The following ANKS1A variants were observed in gnomAD, a reference collection of about 807,000 sequenced individuals.
ANKS1A encodes the protein ankyrin repeat and sterile alpha motif domain containing 1A.
Under a neutral mutation model 120.3 loss-of-function variants are expected in ANKS1A, and 55 were observed. The observed-to-expected ratio is 0.46, with a 90% CI of 0.37 to 0.57. The LOEUF is 0.57. ANKS1A is among the 20% of genes least tolerant of loss of function. ANKS1A has a pLI of 0.00. For missense variants in ANKS1A, 1,123 were observed against 1,480.3 expected (o/e 0.76, Z 3.96); for synonymous variants, 590 against 604.7 (o/e 0.98, Z 0.36).
chr6:34,940,048 G>T (rs1222332247), intron 1 of ANKS1A, among the ~76,000 whole-genome samples: 1 of 152,144 alleles, frequency 6.6e-6, no homozygotes, highest in Non-Finnish European at 1.5e-5. Context: ...TCCAGAGTTG[G>T]TTTCTCAGAG....
At chr6:35,005,128 AAAG>A (rs1418103010) in intron 10 of ANKS1A, among the ~76,000 whole-genome samples, 3 of 152,210 alleles carry the variant, frequency 2.0e-5, no homozygotes, top group Non-Finnish European at 4.4e-5. Context: ...TGTCTGTAAA[AAAG>A]ATTGATAGAA....
At chr6:35,009,097 C>T (rs1042776549) in intron 10 of ANKS1A, among the ~76,000 whole-genome samples, 3 of 151,996 alleles carry the variant, frequency 2.0e-5, no homozygotes, top group Non-Finnish European at 2.9e-5. Flanking sequence ...TTTTTGAATC[C>T]GGCGACAGGA....
At chr6:34,981,033 G>A (rs1220259515) in intron 3 of ANKS1A, among the ~76,000 whole-genome samples, 5 of 152,114 alleles carry the variant, frequency 3.3e-5, no homozygotes, top group African/African-American at 1.2e-4. Context: ...TACTGCATGC[G>A]TTGCTTGGTG....
At position 35,050,594 on chromosome 6, in the gene ANKS1A, T is replaced by C. The variant is rs1179131510; in HGVS notation, c.2011-3505T>C. On this transcript the variant is annotated intron_variant, in intron 11 of 23. Coordinates refer to ENST00000360359, the MANE Select transcript of ANKS1A (RefSeq NM_015245.3). The surrounding 1 kb of genome is among the most constrained non-coding windows in gnomAD (Gnocchi z 4.3). The stretch of plus-strand genomic sequence containing the variant: ...TATCTGCTGTGTCTGAACGCTCTTC[T>C]TTGTGTAGATTGAAATGATCTTATT... Among the ~76,000 whole-genome samples the C allele has an allele frequency of 1.3e-5, 2 of 152,194 alleles. No individual in the cohort carries two copies. Among genetic ancestry groups the C allele is most frequent in the Admixed American group, 6.5e-5 (1 of 15,286 alleles).
chr6:34,978,910 T>G (rs938910328), intron 3 of ANKS1A, among the ~76,000 whole-genome samples: 9 of 152,028 alleles, frequency 5.9e-5, no homozygotes, highest in South Asian at 4.1e-4. Flanking sequence ...TTGTTTGTTT[T>G]TTTGAGATGG....
intron 12 of ANKS1A, 125 bp downstream of exon 12, chr6:35,054,290 C>T: frequency 1.2e-6 from 1 of 813,098 alleles, no homozygotes; most frequent in Non-Finnish European, 2.1e-6. Context: ...CAGACCACGT[C>T]ATGCTCCTAT....
chr6:34,978,596 G>A (rs1189477623), intron 3 of ANKS1A, among the ~76,000 whole-genome samples: 4 of 151,874 alleles, frequency 2.6e-5, no homozygotes, highest in African/African-American at 7.3e-5. Flanking sequence ...ACCTGAGGTC[G>A]GGAATTCAAG....
the ANKS1A span, among the ~76,000 whole-genome samples, chr6:35,097,763 A>AAATTAG: frequency 7.4e-3 from 1,131 of 152,240 alleles, 3 homozygotes; most frequent in South Asian, 0.018. Flanking sequence ...ATTCAAGGCC[A>AAATTAG]CTTGGAGACT....
At chr6:35,042,187 A>T (rs1203254351) in intron 11 of ANKS1A, among the ~76,000 whole-genome samples, 1 of 152,234 alleles carries the variant, frequency 6.6e-6, no homozygotes, top group Admixed American at 6.5e-5. Flanking sequence ...AGAGGAAAGA[A>T]CACAGTTCCT....
chr6:35,097,340 C>A, the ANKS1A span, among the ~76,000 whole-genome samples: 1 of 152,008 alleles, frequency 6.6e-6, no homozygotes, highest in Non-Finnish European at 1.5e-5. Context: ...GAAACCCTAT[C>A]TCTACTAAAA....
chr6:34,968,594 C>T (rs1348698728), intron 2 of ANKS1A, among the ~76,000 whole-genome samples: 12 of 152,128 alleles, frequency 7.9e-5, no homozygotes, highest in Admixed American at 3.3e-4. Context: ...CCCGCCACCA[C>T]ACCCAGCTAA....
rs147931908 is a variant in ANKS1A, at chr6:35,082,156, A to G, written c.2710-535A>G. Among the ~76,000 whole-genome samples, 42 of 152,122 alleles carry G rather than the reference A, an allele frequency of 2.8e-4. No individual in the cohort carries two copies. Among genetic ancestry groups the G allele is most frequent in the African/African-American group, 9.4e-4 (39 of 41,496 alleles). On this transcript the variant is annotated intron_variant, in intron 17 of 23. Transcript: ENST00000360359. This position sits in a 1 kb window ranked among gnomAD's most constrained non-coding sequence, Gnocchi z 4.1. ...CCACCAGTGCCCTGGACAGGGACCC[A>G]TGATCTCTCACCTGGACCGCAGTGG...
intron 13 of ANKS1A, among the ~76,000 whole-genome samples, chr6:35,070,484 C>CTTTTTTTTTTTT (rs869249276): frequency 1.6e-5 from 1 of 62,970 alleles, no homozygotes; most frequent in Non-Finnish European, 2.9e-5. Context: ...AAGCCTTTAT[C>CTTTTTTTTTTTT]TTTTTTTTTT....
At chr6:34,972,688 C>T (rs915965697) in intron 3 of ANKS1A, 2 of 944,712 alleles carry the variant, frequency 2.1e-6, no homozygotes, top group African/African-American at 3.6e-5. Context: ...TTTCTCCAAG[C>T]TGTACCTCCT....
chr6:34,956,466 G>A (rs1770370125), intron 1 of ANKS1A, among the ~76,000 whole-genome samples: 1 of 151,974 alleles, frequency 6.6e-6, no homozygotes, highest in Non-Finnish European at 1.5e-5. Context: ...AAGCTGATTG[G>A]ATGTTCTGTA....
intron 1 of ANKS1A, among the ~76,000 whole-genome samples, chr6:34,944,043 G>A (rs1477520342): frequency 6.6e-6 from 1 of 152,208 alleles, no homozygotes; most frequent in Non-Finnish European, 1.5e-5. Flanking sequence ...GGAGGCCAAG[G>A]CGGGCAGATC....
At chr6:34,960,000 A>G (rs1770554847) in intron 1 of ANKS1A, among the ~76,000 whole-genome samples, 1 of 152,038 alleles carries the variant, frequency 6.6e-6, no homozygotes, top group Non-Finnish European at 1.5e-5. Context: ...CTAGGTGTTC[A>G]GCGGATGCCT....
chr6:34,967,183 G>C, intron 1 of ANKS1A, 56 bp from the exon 2 acceptor site: 4 of 1,576,306 alleles, frequency 2.5e-6, no homozygotes, highest in Non-Finnish European at 3.5e-6. Flanking sequence ...TCTAACTTTG[G>C]TTTGTGACTT....
intron 11 of ANKS1A, among the ~76,000 whole-genome samples, chr6:35,035,509 T>C (rs1775121104): frequency 6.6e-6 from 1 of 152,230 alleles, no homozygotes; most frequent in South Asian, 2.1e-4. Context: ...CAGGAGGCTA[T>C]TGAGCTTATA....
Sources: gnomAD v4.1 joint callset for allele counts (sites outside exome capture counted in the v4.1 genomes callset) on GRCh38, gnomAD v4.1.1 for gene constraint, Gnocchi (gnomAD v3.1) non-coding constraint, MANE v1.5 for transcripts, NCBI Gene and HGNC (gene_info 2026-07-23, HGNC 2026-07-21) for gene names.